Variants in GLIS3 observed in about 807,000 individuals in gnomAD.
The protein encoded by GLIS3 is GLIS family zinc finger 3, also known as zinc finger protein GLIS3.
In GLIS3, 53 loss-of-function variants were observed where a neutral mutation model predicts 78.6. The observed-to-expected ratio is 0.67, with a 90% CI of 0.54 to 0.85. GLIS3 has a LOEUF of 0.85. GLIS3 is among the 40% of genes least tolerant of loss of function. The pLI, the probability that GLIS3 is intolerant of heterozygous loss-of-function variation, is 0.00. For synonymous variants in GLIS3, 684 were observed against 509.9 expected, an observed-to-expected ratio of 1.34 and a Z score of -4.60; for missense variants, 1,703 against 1,231.1, an observed-to-expected ratio of 1.38 and a Z score of -5.74.
chr9:3,912,325 AGTTTTCCAGGAT>A (rs1182398009), intron 6 of GLIS3, among the ~76,000 whole-genome samples: 1 of 152,202 alleles, frequency 6.6e-6, no homozygotes, highest in Non-Finnish European at 1.5e-5. Flanking sequence ...ATATGAGCAC[AGTTTTCCAGGAT>A]GCATAGCGCC....
intron 2 of GLIS3, among the ~76,000 whole-genome samples, chr9:4,190,046 C>T (rs905318625): frequency 3.5e-4 from 53 of 152,206 alleles, no homozygotes; most frequent in Non-Finnish European, 6.0e-4. Context: ...TCACCATCAT[C>T]AAAGACCAAA....
intron 8 of GLIS3, among the ~76,000 whole-genome samples, chr9:3,875,846 C>G (rs183862418): frequency 6.6e-6 from 1 of 152,258 alleles, no homozygotes; most frequent in East Asian, 1.9e-4. Flanking sequence ...CCATTTCATT[C>G]TCCCATCATA....
At chr9:4,294,335 C>G (rs1816290014) in intron 1 of GLIS3, among the ~76,000 whole-genome samples, 2 of 152,042 alleles carry the variant, frequency 1.3e-5, no homozygotes, top group African/African-American at 4.8e-5. Flanking sequence ...ACAGTGAAAC[C>G]CCCATCTCTA....
intron 2 of GLIS3, among the ~76,000 whole-genome samples, chr9:4,277,834 TC>T (rs1347751177): frequency 6.6e-6 from 1 of 152,202 alleles, no homozygotes; most frequent in African/African-American, 2.4e-5. Context: ...AAAATGCATT[TC>T]TACGAGTCAA....
the GLIS3 span, among the ~76,000 whole-genome samples, chr9:4,434,803 G>A: frequency 6.6e-6 from 1 of 152,096 alleles, no homozygotes; most frequent in African/African-American, 2.4e-5. Context: ...TGACATTGAG[G>A]AGGTTTCATT....
intron 4 of GLIS3, among the ~76,000 whole-genome samples, chr9:4,114,281 C>G (rs1831453167): frequency 6.6e-6 from 1 of 152,148 alleles, no homozygotes; most frequent in Non-Finnish European, 1.5e-5. Flanking sequence ...GTAAAAAGAT[C>G]TACAGTACAA....
chr9:4,110,659 G>T (rs562301447), intron 4 of GLIS3, among the ~76,000 whole-genome samples: 56 of 152,160 alleles, frequency 3.7e-4, no homozygotes, highest in African/African-American at 1.3e-3. Flanking sequence ...TAAAGCAGAC[G>T]TAAAATCAAG....
At chr9:3,875,773 G>A (rs778716643) in intron 8 of GLIS3, among the ~76,000 whole-genome samples, 3 of 152,148 alleles carry the variant, frequency 2.0e-5, no homozygotes, top group Non-Finnish European at 4.4e-5. Context: ...GAAGGCAAGG[G>A]ATGGGGCACA....
intron 4 of GLIS3, among the ~76,000 whole-genome samples, chr9:4,067,776 T>C (rs965204049): frequency 5.5e-5 from 8 of 145,558 alleles, no homozygotes; most frequent in African/African-American, 2.0e-4. Context: ...ATATCTCATT[T>C]CAAGAAAAAA....
intron 4 of GLIS3, among the ~76,000 whole-genome samples, chr9:4,037,209 G>A (rs778293959): frequency 4.6e-5 from 7 of 152,124 alleles, no homozygotes; most frequent in East Asian, 1.9e-4. Flanking sequence ...ATTTCATTTC[G>A]AGAAAGATTT....
At chr9:4,397,235 C>T in the GLIS3 span, among the ~76,000 whole-genome samples, 16 of 144,918 alleles carry the variant, frequency 1.1e-4, no homozygotes, top group Non-Finnish European at 2.0e-4. Flanking sequence ...CCGTTTTAGC[C>T]GGGATGGTCT....
chr9:4,276,532 A>AGAAGGGGACG (rs1159110283), intron 2 of GLIS3, among the ~76,000 whole-genome samples: 1 of 26,326 alleles, frequency 3.8e-5, no homozygotes, highest in African/African-American at 1.5e-4. Flanking sequence ...GGAAGGGAAG[A>AGAAGGGGACG]GAAGGGGACG....
chr9:4,212,200 A>G (rs1048536311), intron 2 of GLIS3, among the ~76,000 whole-genome samples: 2 of 152,216 alleles, frequency 1.3e-5, no homozygotes, highest in African/African-American at 4.8e-5. Context: ...AGAACAAATA[A>G]CAAGGGTCAT....
the GLIS3 span, among the ~76,000 whole-genome samples, chr9:4,385,451 G>A: frequency 3.3e-5 from 5 of 152,104 alleles, no homozygotes; most frequent in Non-Finnish European, 5.9e-5. Context: ...ATCACCTGAG[G>A]TCAGGAGTCC....
At chr9:3,891,203 C>G (rs1822416300) in intron 7 of GLIS3, among the ~76,000 whole-genome samples, 1 of 152,020 alleles carries the variant, frequency 6.6e-6, no homozygotes, top group African/African-American at 2.4e-5. Context: ...TAGATAAAAG[C>G]AACAATAGTT....
At chr9:4,391,879 G>A in the GLIS3 span, among the ~76,000 whole-genome samples, 1 of 152,122 alleles carries the variant, frequency 6.6e-6, no homozygotes, top group African/African-American at 2.4e-5. Context: ...ATACCATTTG[G>A]CCTAGCAATC....
intron 2 of GLIS3, among the ~76,000 whole-genome samples, chr9:4,160,209 T>G (rs1487004769): frequency 6.6e-6 from 1 of 152,204 alleles, no homozygotes; most frequent in African/African-American, 2.4e-5. Flanking sequence ...TGAGAGACAA[T>G]TTTTAAATAA....
chr9:4,221,429 A>G (rs1474409782), intron 2 of GLIS3, among the ~76,000 whole-genome samples: 1 of 152,248 alleles, frequency 6.6e-6, no homozygotes, highest in Non-Finnish European at 1.5e-5. Flanking sequence ...AACTTCAAAC[A>G]TGTGCAAAAC....
At chr9:4,330,101 A>T (rs1265145964) in intron 2 of GLIS3, among the ~76,000 whole-genome samples, 1 of 152,176 alleles carries the variant, frequency 6.6e-6, no homozygotes, top group African/African-American at 2.4e-5. Context: ...ACCAAAACTT[A>T]CTTTTAGGAA....
Sources: gnomAD v4.1 joint callset for allele counts (sites outside exome capture counted in the v4.1 genomes callset) on GRCh38, gnomAD v4.1.1 for gene constraint, MANE v1.5 for transcripts, NCBI Gene and HGNC (gene_info 2026-07-23, HGNC 2026-07-21) for gene names.